PLEKHA3: variants seen among roughly 807,000 people sequenced by gnomAD.
The protein encoded by PLEKHA3 is pleckstrin homology domain-containing family A member 3.
A neutral mutation model predicts 39.2 loss-of-function variants in PLEKHA3; 19 were observed. The observed-to-expected ratio is 0.48, with a 90% CI of 0.34 to 0.71. The LOEUF (loss-of-function observed/expected upper bound fraction) is 0.71. PLEKHA3 is among the 30% of genes least tolerant of loss of function. The pLI is 0.01. For synonymous variants in PLEKHA3, 97 were observed against 118.6 expected (o/e 0.82, Z 1.18); for missense variants, 253 against 359.5 (o/e 0.70, Z 2.40).
intron 6 of PLEKHA3, 97 bp downstream of exon 6, chr2:178,499,351 G>A: frequency 8.2e-7 from 1 of 1,222,130 alleles, no homozygotes; most frequent in South Asian, 1.4e-5. Flanking sequence ...TGTAAACTCT[G>A]TATGGGTTAG....
At position 178,504,723 on chromosome 2, in the gene PLEKHA3, G is replaced by C. The variant is rs544907167; in HGVS notation, c.*836G>C. 1 of 152,296 alleles carries C rather than the reference G, an allele frequency of 6.6e-6. No homozygotes were observed. The highest frequency in any genetic ancestry group is 1.5e-5 in the Non-Finnish European group (1 of 67,812). The allele number at this position is 152,296 out of a possible 1,614,324, so 9.4% of individuals were successfully genotyped here. ...TTAGTGCTTTTTTTTTCCTAAAATA[G>C]ATATTAAGCTGCTGTTGTAAAGTAT... On this transcript the variant is annotated 3_prime_UTR_variant, in exon 8 of 8. Transcript: ENST00000234453.
At position 178,504,560 on chromosome 2, in the gene PLEKHA3, A is replaced by T. The variant is rs368270845; in HGVS notation, c.*673A>T. On this transcript the variant is annotated 3_prime_UTR_variant, in exon 8 of 8. Transcript: ENST00000234453. ...TCTTGTTGCCTCAAAAGATGATTGC[A>T]TTCTAACTTTTGTGACCTACCAAAT... 6.6e-6 allele frequency: 1 copy of T among 152,384 alleles called. No homozygotes were observed. Among genetic ancestry groups the T allele is most frequent in the African/African-American group, 2.4e-5 (1 of 41,438 alleles). 9.4% of individuals were successfully genotyped at this position (152,384 alleles called of 1,614,324 possible).
chr2:178,489,494 G>A lies in PLEKHA3; in HGVS notation c.158-1165G>A, dbSNP rs1419673409. ...TTTTTTTGAGACAGGGTCTTGCTCT[G>A]TTGCCCAGTCTGGAGTGCAGTGGTA... On this transcript the variant is annotated intron_variant, in intron 2 of 7. Coordinates refer to ENST00000234453, the MANE Select transcript of PLEKHA3 (RefSeq NM_019091.4). Among the ~76,000 whole-genome samples, 126 of 95,386 alleles carry A rather than the reference G, an allele frequency of 1.3e-3. No individual in the cohort carries two copies. The Admixed American group carries it at 0.021, about 16-fold the overall frequency. 62.6% of individuals were successfully genotyped at this position (95,386 alleles called of 152,430 possible).
Position 178,492,386 on chromosome 2 carries a change from C to A in PLEKHA3, c.314-1467C>A, listed in dbSNP as rs550149233. Among the ~76,000 whole-genome samples, 3 of 146,040 alleles carry A rather than the reference C, an allele frequency of 2.1e-5. No homozygotes were observed. In the East Asian group the frequency reaches 6.1e-4, roughly 30 times the overall value. On this transcript the variant is annotated intron_variant, in intron 3 of 7. Transcript: ENST00000234453. Reference sequence around the variant, plus strand: ...AAACAAAATATACAATAGAATATTACTCAGCTTTAAAAAGCAAATTGTGAC... The same window carrying A: ...AAACAAAATATACAATAGAATATTAATCAGCTTTAAAAAGCAAATTGTGAC...
intron 2 of PLEKHA3, among the ~76,000 whole-genome samples, chr2:178,488,193 C>G (rs929626004): frequency 1.3e-5 from 2 of 151,978 alleles, no homozygotes; most frequent in East Asian, 3.8e-4. Flanking sequence ...CTAACTTTGG[C>G]TATCTTTCAT....
In PLEKHA3 at chr2:178,507,582, T is replaced by C. The variant is rs13000402; in HGVS notation, c.*3695T>C. On this transcript the variant is annotated 3_prime_UTR_variant, in exon 8 of 8. Coordinates refer to ENST00000234453, the MANE Select transcript of PLEKHA3 (RefSeq NM_019091.4). ...ACAGTCCTTCATCTTCTGCCATTTG[T>C]ACTGTTGCCCTCCAGGCCTGTTCTA... The C allele has an allele frequency of 1.3e-5, 2 of 151,794 alleles. No individual in the cohort carries two copies. Among genetic ancestry groups the C allele is most frequent in the Admixed American group, 6.6e-5 (1 of 15,150 alleles). 9.4% of individuals were successfully genotyped at this position (151,794 alleles called of 1,614,324 possible).
rs1553603891 is a variant in PLEKHA3 at position 178,487,425 on chromosome 2, TTTTTC to T, written c.157+1683_157+1687del. ...AGAGAATCTTTTTCTTTTTTTCTTT[TTTTTC>T]TTTTCTTTTCTTTTTTTGTTTTTTT... On this transcript the variant is annotated intron_variant, in intron 2 of 7. Coordinates refer to ENST00000234453, the MANE Select transcript of PLEKHA3 (RefSeq NM_019091.4). Among the ~76,000 whole-genome samples the T allele has an allele frequency of 5.7e-5, 8 of 139,338 alleles. No individual in the cohort carries two copies. The South Asian group carries it at 2.0e-3, about 34-fold the overall frequency. The allele number at this position is 139,338 out of a possible 152,430, so 91.4% of individuals were successfully genotyped here.
intron 3 of PLEKHA3, among the ~76,000 whole-genome samples, chr2:178,491,743 A>G (rs978246423): frequency 1.3e-4 from 20 of 152,176 alleles, no homozygotes; most frequent in African/African-American, 4.1e-4. Context: ...ACTGTAATTT[A>G]TAAAGAAAAG....
intron 3 of PLEKHA3, 25 bp downstream of exon 3, chr2:178,490,839 G>A: frequency 6.4e-7 from 1 of 1,560,748 alleles, no homozygotes; most frequent in Non-Finnish European, 8.7e-7. Flanking sequence ...TTCCCTTGTG[G>A]TGAGAGTACT....
At position 178,499,470 on chromosome 2, in the gene PLEKHA3, C is replaced by T. The variant is rs527877618; in HGVS notation, c.659+216C>T. On this transcript the variant is annotated intron_variant, in intron 6 of 7. Coordinates refer to ENST00000234453, the MANE Select transcript of PLEKHA3 (RefSeq NM_019091.4). The stretch of plus-strand genomic sequence containing the variant: ...TAAAGAAAAAAATGAATGAATTAAC[C>T]AGCAAGGTAAGCACGTTGCCAGCCA... 7.2e-5 allele frequency among the ~76,000 whole-genome samples: 11 copies of T among 152,198 alleles called. No individual in the cohort carries two copies. In the South Asian group the frequency reaches 2.3e-3, roughly 32 times the overall value.
chr2:178,495,504 T>C lies in PLEKHA3; in HGVS notation c.459T>C (p.Asn153=), dbSNP rs1028650324. The change falls in exon 5 of 8, where the codon AAT becomes AAC. Residue 153 remains asparagine (N), a synonymous_variant. Coordinates refer to ENST00000234453, the MANE Select transcript of PLEKHA3 (RefSeq NM_019091.4). The part of the protein sequence containing the change: ...NHSSPSAENM[N]EASSLLSATC... ...TTTGTGTAATTTTTCAGAACATGAA[T>C]GAAGCCTCTTCTCTGCTTAGTGCCA... 9 of 1,613,914 alleles carry C rather than the reference T, an allele frequency of 5.6e-6. No homozygotes were observed. The highest frequency in any genetic ancestry group is 2.2e-5 in the East Asian group (1 of 44,884).
rs1412460330 is a variant in PLEKHA3, at chr2:178,506,868, G to A, written c.*2981G>A. 2 of 152,214 alleles carry A rather than the reference G, an allele frequency of 1.3e-5. No homozygotes were observed. The highest frequency in any genetic ancestry group is 3.9e-4 in the East Asian group (2 of 5,184). The allele number at this position is 152,214 out of a possible 1,614,324, so 9.4% of individuals were successfully genotyped here. ...CGGGTAAATGAATGGTAGGTAGCTG[G>A]TAGGTAGGCCTTCTTGTTCATGTCT... is the stretch of plus-strand genomic sequence containing the variant. On this transcript the variant is annotated 3_prime_UTR_variant, in exon 8 of 8. Transcript: ENST00000234453.
rs1173142936 is a variant in PLEKHA3, at chr2:178,506,886, T to C, written c.*2999T>C. 6.6e-6 allele frequency: 1 copy of C among 152,162 alleles called. No individual in the cohort carries two copies. Among genetic ancestry groups the C allele is most frequent in the Non-Finnish European group, 1.5e-5 (1 of 68,018 alleles). 9.4% of individuals were successfully genotyped at this position (152,162 alleles called of 1,614,324 possible). Reference sequence around the variant, plus strand: ...GTAGCTGGTAGGTAGGCCTTCTTGTTCATGTCTTTCTGTCTCCCCAATCCA... The same window carrying C: ...GTAGCTGGTAGGTAGGCCTTCTTGTCCATGTCTTTCTGTCTCCCCAATCCA... On this transcript the variant is annotated 3_prime_UTR_variant, in exon 8 of 8. Transcript: ENST00000234453.
rs1346847696 is a variant in PLEKHA3 at position 178,507,828 on chromosome 2, T to C, written c.*3941T>C. The C allele has an allele frequency of 6.5e-6, 1 of 153,606 alleles. No homozygotes were observed. The highest frequency in any genetic ancestry group is 6.6e-5 in the Admixed American group (1 of 15,260). The allele number at this position is 153,606 out of a possible 1,614,324, so 9.5% of individuals were successfully genotyped here. A position where few individuals can be genotyped will look rare whatever the true frequency, so the allele number is the denominator to read the frequency against. ...TCTGGAAAATAACATGCCTTCAGAA[T>C]TTTAAGGGCAACATTTCATTGTCTT... On this transcript the variant is annotated 3_prime_UTR_variant, in exon 8 of 8. Transcript: ENST00000234453.
At chr2:178,494,247 A>T (rs377693296) in intron 4 of PLEKHA3, among the ~76,000 whole-genome samples, 42 of 152,174 alleles carry the variant, frequency 2.8e-4, no homozygotes, top group Non-Finnish European at 5.3e-4. Context: ...TGGAGGTTGG[A>T]GTGGGGAAGA....
intron 7 of PLEKHA3, among the ~76,000 whole-genome samples, chr2:178,502,903 A>AT (rs1157679071): frequency 1.4e-4 from 21 of 151,872 alleles, no homozygotes; most frequent in South Asian, 4.1e-4. Context: ...TTATCCTTAG[A>AT]TTTTTTCCTG....
chr2:178,493,820 A>T, intron 3 of PLEKHA3, 33 bp from the exon 4 acceptor site: 1 of 1,566,986 alleles, frequency 6.4e-7, no homozygotes, highest in East Asian at 2.3e-5. Context: ...TATGAAAATG[A>T]TCTAACTGTA....
chr2:178,516,087 T>C lies in PLEKHA3; in HGVS notation c.*12200T>C, dbSNP rs980804681. 11 of 151,398 alleles carry C rather than the reference T, an allele frequency of 7.3e-5. No individual in the cohort carries two copies. Among genetic ancestry groups the C allele is most frequent in the African/African-American group, 2.7e-4 (11 of 41,422 alleles). The allele number at this position is 151,398 out of a possible 1,614,324, so 9.4% of individuals were successfully genotyped here. ...ATACATATATATATATACATACATA[T>C]ATATACATAAAATGATTCTTGCAAA... On this transcript the variant is annotated 3_prime_UTR_variant, in exon 8 of 8. Coordinates refer to ENST00000234453, the MANE Select transcript of PLEKHA3 (RefSeq NM_019091.4).
chr2:178,503,058 A>G lies in PLEKHA3; in HGVS notation c.776-702A>G, dbSNP rs532799781. On this transcript the variant is annotated intron_variant, in intron 7 of 7. Transcript: ENST00000234453. ...CTTCTTGTGAGATGCAACTGCTTCTATTTTCTTTAACAAGCTTTTTCAAAA... is the reference window on the plus strand; with the variant it reads ...CTTCTTGTGAGATGCAACTGCTTCTGTTTTCTTTAACAAGCTTTTTCAAAA... Among the ~76,000 whole-genome samples, 3 of 152,114 alleles carry G rather than the reference A, an allele frequency of 2.0e-5. No individual in the cohort carries two copies. In the East Asian group the frequency reaches 5.8e-4, roughly 29 times the overall value.
Sources: gnomAD v4.1 joint callset for allele counts (sites outside exome capture counted in the v4.1 genomes callset) on GRCh38, gnomAD v4.1.1 for gene constraint, MANE v1.5 for transcripts, NCBI Gene and HGNC (gene_info 2026-07-23, HGNC 2026-07-21) for gene names.